Variants in NCMAP observed in about 807,000 individuals in gnomAD.
NCMAP encodes noncompact myelin-associated protein.
A neutral mutation model predicts 7.8 loss-of-function variants in NCMAP; 8 were observed. That is an observed-to-expected ratio of 1.02 (90% confidence interval 0.60 to 1.84). The LOEUF is 1.84. Among genes scored for constraint, NCMAP ranks in the 40% most tolerant of loss-of-function variants. The pLI is 0.00. For missense variants in NCMAP, 112 were observed against 131.4 expected (o/e 0.85, Z 0.72); for synonymous variants, 41 against 52.9 (o/e 0.78, Z 0.98).
At chr1:24,587,203 T>TGACACA (rs999447711) in intron 1 of NCMAP, among the ~76,000 whole-genome samples, 6 of 152,242 alleles carry the variant, frequency 3.9e-5, no homozygotes, top group African/African-American at 9.6e-5. Flanking sequence ...GGGGAGTCCT[T>TGACACA]GACACAGAGG....
Position 24,595,482 on chromosome 1 carries a change from A to G in NCMAP, c.52A>G (p.Thr18Ala). The change falls in exon 2 of 4, where the codon ACC becomes GCC. Residue 18 changes from threonine (T) to alanine (A), a missense_variant. Transcript: ENST00000374392. ...GDTTFFSLNMTTRGEDFLYKS... is the reference protein window; with the variant it reads ...GDTTFFSLNMATRGEDFLYKS... Reference sequence around the variant, plus strand: ...TACCACCTTCTTCTCACTGAACATGACCACCAGGGGAGAAGACTTCCTGTA... The same window carrying G: ...TACCACCTTCTTCTCACTGAACATGGCCACCAGGGGAGAAGACTTCCTGTA... 1 of 1,614,032 alleles carries G rather than the reference A, an allele frequency of 6.2e-7. No homozygotes were observed. The highest frequency in any genetic ancestry group is 8.5e-7 in the Non-Finnish European group (1 of 1,179,898).
intron 1 of NCMAP, among the ~76,000 whole-genome samples, chr1:24,579,662 A>T (rs1341195828): frequency 1.3e-5 from 2 of 152,182 alleles, no homozygotes; most frequent in Non-Finnish European, 2.9e-5. Context: ...CAGGAATTCA[A>T]GGCTGCAGTG....
chr1:24,597,821 C>T (rs1362400627), intron 2 of NCMAP, among the ~76,000 whole-genome samples: 2 of 152,076 alleles, frequency 1.3e-5, no homozygotes, highest in African/African-American at 4.8e-5. Context: ...ACAATGAATC[C>T]TTATTTAGTA....
intron 1 of NCMAP, among the ~76,000 whole-genome samples, chr1:24,592,416 T>C (rs554849883): frequency 3.6e-4 from 55 of 152,270 alleles, no homozygotes; most frequent in African/African-American, 1.3e-3. Context: ...CGTTGATATT[T>C]AATAGATGTG....
In NCMAP at chr1:24,599,205, G is replaced by A. The variant is rs376319624; in HGVS notation, c.83-1735G>A. 1.2e-3 allele frequency among the ~76,000 whole-genome samples: 186 copies of A among 150,786 alleles called. 1 individual carries two copies. Among genetic ancestry groups the A allele is most frequent in the African/African-American group, 4.1e-3 (169 of 41,164 alleles). ...TGAGGCAGGAGAATCGATTGAACCCGGGAGGCAGAGGATGCAGTGAGCTGA... is the reference window on the plus strand; with the variant it reads ...TGAGGCAGGAGAATCGATTGAACCCAGGAGGCAGAGGATGCAGTGAGCTGA... On this transcript the variant is annotated intron_variant, in intron 2 of 3. Coordinates refer to ENST00000374392, the MANE Select transcript of NCMAP (RefSeq NM_001010980.5).
At chr1:24,564,664 A>G (rs1319212336) in intron 1 of NCMAP, among the ~76,000 whole-genome samples, 1 of 152,090 alleles carries the variant, frequency 6.6e-6, no homozygotes, top group Non-Finnish European at 1.5e-5. Context: ...TGTTTTTTAA[A>G]TGAGTACAGA....
intron 2 of NCMAP, among the ~76,000 whole-genome samples, chr1:24,599,834 C>T (rs796282667): frequency 1.4e-5 from 1 of 69,326 alleles, no homozygotes; most frequent in African/African-American, 4.4e-5. Context: ...CCCCCCCCCC[C>T]CCCCCTTGGC....
In NCMAP at chr1:24,608,001, C is replaced by T. The variant is rs1208452079; in HGVS notation, c.*2254C>T. 1 of 152,194 alleles carries T rather than the reference C, an allele frequency of 6.6e-6. No homozygotes were observed. Among genetic ancestry groups the T allele is most frequent in the East Asian group, 1.9e-4 (1 of 5,194 alleles). 9.4% of individuals were successfully genotyped at this position (152,194 alleles called of 1,614,324 possible). On this transcript the variant is annotated 3_prime_UTR_variant, in exon 4 of 4. Coordinates refer to ENST00000374392, the MANE Select transcript of NCMAP (RefSeq NM_001010980.5). ...TCTGGAGAAATACTGGCACATTCTTCCTCTCTGGTCATTATTTCTTCCTAC... is the reference window on the plus strand; with the variant it reads ...TCTGGAGAAATACTGGCACATTCTTTCTCTCTGGTCATTATTTCTTCCTAC...
intron 3 of NCMAP, among the ~76,000 whole-genome samples, chr1:24,604,763 C>T (rs1263382651): frequency 2.0e-5 from 3 of 146,720 alleles, no homozygotes. Context: ...GGGAGGATCA[C>T]TTGCCAGGAG....
rs77157474 is a variant in NCMAP, at chr1:24,577,298, T to G, written c.-7-18126T>G. ...AACACTTTGTGGTTAGCCAAGCCCT[T>G]GGATAAGGCAGAGGAAGAGACAGAG... On this transcript the variant is annotated intron_variant, in intron 1 of 3. Transcript: ENST00000374392. Among the ~76,000 whole-genome samples, 399 of 150,944 alleles carry G rather than the reference T, an allele frequency of 2.6e-3. 4 individuals carry two copies. Among genetic ancestry groups the G allele is most frequent in the Non-Finnish European group, 2.2e-3 (149 of 67,860 alleles).
intron 1 of NCMAP, among the ~76,000 whole-genome samples, chr1:24,587,601 C>T (rs1012278975): frequency 1.3e-5 from 2 of 151,932 alleles, no homozygotes; most frequent in African/African-American, 4.8e-5. Flanking sequence ...GCAGCCTCTG[C>T]CTCCCAGGCT....
intron 3 of NCMAP, among the ~76,000 whole-genome samples, chr1:24,604,439 G>C (rs1652613994): frequency 1.3e-5 from 2 of 150,058 alleles, no homozygotes; most frequent in South Asian, 2.1e-4. Context: ...AGCCAGGCAT[G>C]GTGGTGTGCA....
chr1:24,581,584 G>C (rs1022469728), intron 1 of NCMAP, among the ~76,000 whole-genome samples: 2 of 152,224 alleles, frequency 1.3e-5, no homozygotes, highest in African/African-American at 4.8e-5. Context: ...AGAGTCGCTG[G>C]GAGAAGTCCA....
chr1:24,592,305 C>G (rs745722591), intron 1 of NCMAP, among the ~76,000 whole-genome samples: 1 of 152,116 alleles, frequency 6.6e-6, no homozygotes, highest in Admixed American at 6.5e-5. Context: ...TATAGTCTGT[C>G]GTGCTCACTA....
chr1:24,580,214 T>C (rs1651703106), intron 1 of NCMAP, among the ~76,000 whole-genome samples: 1 of 152,242 alleles, frequency 6.6e-6, no homozygotes, highest in Admixed American at 6.5e-5. Flanking sequence ...GAAATGTGGC[T>C]AATGCAACGG....
chr1:24,563,961 T>G (rs765327794), intron 1 of NCMAP: 6 of 152,118 alleles, frequency 3.9e-5, no homozygotes, highest in Non-Finnish European at 7.4e-5. Context: ...ATTGGGAAGA[T>G]GTAGGAATAA....
At chr1:24,581,526 T>C (rs751105793) in intron 1 of NCMAP, among the ~76,000 whole-genome samples, 10 of 152,230 alleles carry the variant, frequency 6.6e-5, no homozygotes, top group Non-Finnish European at 1.0e-4. Context: ...AGGAAATTCA[T>C]TGTGTTCAGT....
chr1:24,599,987 T>C (rs2148938025), intron 2 of NCMAP, among the ~76,000 whole-genome samples: 1 of 144,296 alleles, frequency 6.9e-6, no homozygotes, highest in African/African-American at 2.5e-5. Context: ...ATTTAAAAAC[T>C]ATAACGGGTA....
rs1651581587 is a variant in NCMAP, at chr1:24,576,997, G to T, written c.-7-18427G>T. Among the ~76,000 whole-genome samples the T allele has an allele frequency of 1.3e-5, 2 of 152,062 alleles. No homozygotes were observed. The highest frequency in any genetic ancestry group is 1.3e-4 in the Admixed American group (2 of 15,262). On this transcript the variant is annotated intron_variant, in intron 1 of 3. Transcript: ENST00000374392. This position sits in a 1 kb window ranked among gnomAD's most constrained non-coding sequence, Gnocchi z 4.0. ...ACACACACACAAAAAAATTAGCTGG[G>T]CGTGGTGGTGCATGCCTGTGATCCC... is the stretch of plus-strand genomic sequence containing the variant.
Sources: allele counts gnomAD v4.1 joint callset (sites outside exome capture counted in the v4.1 genomes callset), GRCh38; gene constraint gnomAD v4.1.1; non-coding constraint Gnocchi (gnomAD v3.1); transcripts MANE v1.5; gene names NCBI Gene and HGNC (gene_info 2026-07-23, HGNC 2026-07-21).